The following FNBP1L variants were observed in gnomAD, a reference collection of about 807,000 sequenced individuals.
FNBP1L encodes formin-binding protein 1-like.
FNBP1L carries 36 observed loss-of-function variants against 91.2 expected under a neutral mutation model. The ratio of observed to expected loss-of-function variants is 0.39; its 90% CI spans 0.30 to 0.52. The LOEUF (loss-of-function observed/expected upper bound fraction) is 0.52. Ranked by LOEUF, FNBP1L falls within the 20% of genes least tolerant of loss-of-function variation. FNBP1L has a pLI of 0.66. For synonymous variants in FNBP1L, 242 were observed against 237.0 expected (o/e 1.02, Z -0.19); for missense variants, 571 against 732.1 (o/e 0.78, Z 2.54).
At chr1:93,514,490 A>G (rs1196206399) in intron 2 of FNBP1L, among the ~76,000 whole-genome samples, 4 of 151,398 alleles carry the variant, frequency 2.6e-5, no homozygotes, top group East Asian at 2.0e-4. Flanking sequence ...ACAAAGCTGG[A>G]GGCATCACAC....
intron 1 of FNBP1L, among the ~76,000 whole-genome samples, chr1:93,474,106 T>C (rs2101700797): frequency 6.6e-6 from 1 of 152,132 alleles, no homozygotes; most frequent in Middle Eastern, 3.4e-3. Flanking sequence ...TTAGCGGGTG[T>C]GGTGGTGCAT....
chr1:93,467,104 G>T (rs1174900269), intron 1 of FNBP1L, among the ~76,000 whole-genome samples: 2 of 152,090 alleles, frequency 1.3e-5, no homozygotes, highest in Non-Finnish European at 1.5e-5. Flanking sequence ...TTATCCACCC[G>T]CCTTGGCCTC....
intron 8 of FNBP1L, 70 bp downstream of exon 8, chr1:93,533,138 A>G: frequency 7.2e-7 from 1 of 1,391,930 alleles, no homozygotes; most frequent in Non-Finnish European, 9.9e-7. Flanking sequence ...TAGTGAAATG[A>G]GTTGAGAAAG....
intron 8 of FNBP1L, 45 bp downstream of exon 8, chr1:93,533,113 G>C (rs1168822066): frequency 6.3e-7 from 1 of 1,575,410 alleles, no homozygotes; most frequent in Non-Finnish European, 8.7e-7. Flanking sequence ...TTTGGTTTAG[G>C]TGTGCAGTTT....
chr1:93,551,214 C>G, intron 16 of FNBP1L, 109 bp downstream of exon 16: 2 of 1,389,724 alleles, frequency 1.4e-6, no homozygotes, highest in Non-Finnish European at 1.9e-6. Flanking sequence ...AATAAGGAAA[C>G]TTAAAGGGCA....
At position 93,513,995 on chromosome 1, in the gene FNBP1L, C is replaced by T. The variant is rs368908136; in HGVS notation, c.141-8087C>T. On this transcript the variant is annotated intron_variant, in intron 2 of 16. Coordinates refer to ENST00000271234, the MANE Select transcript of FNBP1L (RefSeq NM_001164473.3). ...AAGTCAAATTGTCCCTGTTTGCAGA[C>T]GACATGATTGTATATCTAGAAAACC... Among the ~76,000 whole-genome samples the T allele has an allele frequency of 4.0e-4, 61 of 152,000 alleles. No individual in the cohort carries two copies. In the South Asian group the frequency reaches 5.4e-3, roughly 14 times the overall value.
At chr1:93,509,270 C>A (rs998586998) in intron 2 of FNBP1L, among the ~76,000 whole-genome samples, 1 of 152,186 alleles carries the variant, frequency 6.6e-6, no homozygotes, top group African/African-American at 2.4e-5. Context: ...ACTCGAGGAT[C>A]CATACTGTTC....
chr1:93,491,894 AAAAT>A (rs759241304), intron 1 of FNBP1L, among the ~76,000 whole-genome samples: 27 of 152,212 alleles, frequency 1.8e-4, no homozygotes, highest in Non-Finnish European at 3.5e-4. Context: ...TGTCAGTTAT[AAAAT>A]AAATTTAAAA....
chr1:93,518,532 T>G (rs1171039019), intron 2 of FNBP1L, among the ~76,000 whole-genome samples: 1 of 152,180 alleles, frequency 6.6e-6, no homozygotes, highest in East Asian at 1.9e-4. Context: ...ATTGTCAAAT[T>G]TTTGGCTTAA....
chr1:93,510,666 G>T (rs1472414483), intron 2 of FNBP1L, among the ~76,000 whole-genome samples: 1 of 152,114 alleles, frequency 6.6e-6, no homozygotes, highest in Non-Finnish European at 1.5e-5. Flanking sequence ...CAAGCTACAG[G>T]AGGACATTCA....
At chr1:93,500,841 G>A (rs189201845) in intron 2 of FNBP1L, among the ~76,000 whole-genome samples, 2 of 152,246 alleles carry the variant, frequency 1.3e-5, no homozygotes, top group East Asian at 3.9e-4. Flanking sequence ...TATATTTACT[G>A]AATAATGGCA....
At chr1:93,470,859 C>T (rs927804676) in intron 1 of FNBP1L, among the ~76,000 whole-genome samples, 5 of 136,552 alleles carry the variant, frequency 3.7e-5, no homozygotes, top group East Asian at 2.1e-4. Flanking sequence ...GGTGACAGAG[C>T]GAGACTCCAT....
chr1:93,524,581 C>CTTTTTTTTTTTT (rs34173735), intron 5 of FNBP1L, among the ~76,000 whole-genome samples: 1 of 113,430 alleles, frequency 8.8e-6, no homozygotes, highest in African/African-American at 3.1e-5. Context: ...TAAGGAGATT[C>CTTTTTTTTTTTT]TTTTTTTTTT....
intron 2 of FNBP1L, among the ~76,000 whole-genome samples, chr1:93,512,475 T>G (rs1042529702): frequency 1.2e-4 from 19 of 152,060 alleles, no homozygotes; most frequent in Admixed American, 3.9e-4. Flanking sequence ...ATACAATTTT[T>G]TCAGCACCAC....
intron 15 of FNBP1L, among the ~76,000 whole-genome samples, chr1:93,549,851 A>G (rs573336461): frequency 4.6e-5 from 7 of 152,306 alleles, no homozygotes; most frequent in Admixed American, 2.0e-4. Flanking sequence ...TAGCTAGCTG[A>G]ATGCCATCAT....
intron 2 of FNBP1L, among the ~76,000 whole-genome samples, chr1:93,512,224 A>G (rs1218046302): frequency 2.0e-5 from 3 of 152,196 alleles, no homozygotes; most frequent in Non-Finnish European, 2.9e-5. Flanking sequence ...AGAGCTAACT[A>G]TCCTAAATAT....
intron 1 of FNBP1L, among the ~76,000 whole-genome samples, chr1:93,496,264 T>C (rs1335687255): frequency 6.8e-6 from 1 of 146,950 alleles, no homozygotes. Context: ...CTCTTTTTCC[T>C]TCCTTTCCTG....
intron 1 of FNBP1L, among the ~76,000 whole-genome samples, chr1:93,476,898 ATCCT>A (rs982282434): frequency 1.3e-5 from 2 of 152,304 alleles, no homozygotes; most frequent in Admixed American, 1.3e-4. Flanking sequence ...AGTTCGTTTA[ATCCT>A]TCCAGTCATT....
chr1:93,531,219 T>TA (rs1671667896), intron 7 of FNBP1L, among the ~76,000 whole-genome samples: 1 of 152,208 alleles, frequency 6.6e-6, no homozygotes, highest in South Asian at 2.1e-4. Context: ...GTAGCATTTT[T>TA]ATACCAAACC....
Sources: gnomAD v4.1 joint callset for allele counts (sites outside exome capture counted in the v4.1 genomes callset) on GRCh38, gnomAD v4.1.1 for gene constraint, MANE v1.5 for transcripts, NCBI Gene and HGNC (gene_info 2026-07-23, HGNC 2026-07-21) for gene names.